Variants in GNL3L observed in about 807,000 individuals in gnomAD.
The protein encoded by GNL3L is guanine nucleotide-binding protein-like 3-like protein.
In GNL3L, 4 loss-of-function variants were observed where a neutral mutation model predicts 42.9. That is an observed-to-expected ratio of 0.09 (90% confidence interval 0.05 to 0.21). The LOEUF (loss-of-function observed/expected upper bound fraction) is 0.21. GNL3L is among the 10% of genes least tolerant of loss of function. GNL3L has a pLI of 1.00. For synonymous variants in GNL3L, 159 were observed against 176.3 expected, an observed-to-expected ratio of 0.90 and a Z score of 0.78; for missense variants, 412 against 481.7, an observed-to-expected ratio of 0.86 and a Z score of 1.36.
At chrX:54,640,331 A>G in the GNL3L span, among the ~76,000 whole-genome samples, 1 of 111,975 alleles carries the variant, frequency 8.9e-6, no homozygotes, top group Non-Finnish European at 1.9e-5. Flanking sequence ...GGCCTTTTTA[A>G]AAAGTAATAA....
In GNL3L at chrX:54,566,084, G is replaced by A. The variant is rs1303754082; in HGVS notation, c.*5482G>A. On this transcript the variant is annotated 3_prime_UTR_variant, in exon 16 of 16. Transcript: ENST00000360845. ...GATACACCCGTCTTAGCCTCCCAAA[G>A]TTCTGGGATTACAGGCATGAGCCAT... 9.0e-6 allele frequency among the ~76,000 whole-genome samples: 1 copy of A among 111,490 alleles called. No homozygotes were observed. Among genetic ancestry groups the A allele is most frequent in the African/African-American group, 3.3e-5 (1 of 30,625 alleles).
At chrX:54,554,520 C>A in intron 13 of GNL3L, 45 bp from the exon 14 acceptor site, 1 of 1,190,190 alleles carries the variant, frequency 8.4e-7, no homozygotes, top group Non-Finnish European at 1.1e-6. Flanking sequence ...GGGCTGGCAA[C>A]AGAGGGGAGC....
At chrX:54,558,692 G>GC (rs1569542183) in intron 15 of GNL3L, 37 bp downstream of exon 15, 1 of 995,448 alleles carries the variant, frequency 1.0e-6, no homozygotes. Flanking sequence ...TCTGAAAGGG[G>GC]CCCACATGGG....
chrX:54,569,102 C>T (rs1601997436), downstream of GNL3L, among the ~76,000 whole-genome samples: 1 of 112,146 alleles, frequency 8.9e-6, no homozygotes, highest in African/African-American at 3.2e-5. Flanking sequence ...GGATGGGAGG[C>T]ATTATTCAGC....
intron 5 of GNL3L, among the ~76,000 whole-genome samples, 198 bp downstream of exon 5, chrX:54,541,587 G>C (rs1343529828): frequency 9.1e-6 from 1 of 110,006 alleles, no homozygotes; most frequent in Non-Finnish European, 1.9e-5. Context: ...CCTTACCCGT[G>C]ACTGGACACC....
chrX:54,639,794 C>T, the GNL3L span, among the ~76,000 whole-genome samples: 1 of 111,884 alleles, frequency 8.9e-6, no homozygotes, highest in Non-Finnish European at 1.9e-5. Context: ...ATGACGTAAT[C>T]TTGCAGCTCA....
intron 2 of GNL3L, among the ~76,000 whole-genome samples, chrX:54,537,289 G>A (rs182235547): frequency 9.1e-6 from 1 of 110,457 alleles, no homozygotes; most frequent in Non-Finnish European, 1.9e-5. Context: ...CTCCCAAAAT[G>A]CTGGGATGAC....
At chrX:54,640,060 G>A in the GNL3L span, among the ~76,000 whole-genome samples, 1 of 110,437 alleles carries the variant, frequency 9.1e-6, no homozygotes, top group African/African-American at 3.3e-5. Flanking sequence ...GCCTGCGTAC[G>A]TCCACAAGTG....
At position 54,550,943 on chromosome X, in the gene GNL3L, C is replaced by T; in HGVS notation, c.776-20C>T. On this transcript the variant is annotated intron_variant, in intron 9 of 15. Transcript: ENST00000360845. ...CCTGAGGGCCTCTTCTGCCCTGAGCCATCTGCTGCTATTTTGTAGGTCTTC... is the reference window on the plus strand; with the variant it reads ...CCTGAGGGCCTCTTCTGCCCTGAGCTATCTGCTGCTATTTTGTAGGTCTTC... 1 of 883,807 alleles carries T rather than the reference C, an allele frequency of 1.1e-6. No homozygotes were observed. The highest frequency in any genetic ancestry group is 3.1e-5 in the East Asian group (1 of 32,340). The allele number at this position is 883,807 out of a possible 1,213,427, so 72.8% of individuals were successfully genotyped here. A position where few individuals can be genotyped will look rare whatever the true frequency, so the allele number is the denominator to read the frequency against.
At chrX:54,538,009 G>A (rs1288792252) in intron 2 of GNL3L, among the ~76,000 whole-genome samples, 2 of 110,667 alleles carry the variant, frequency 1.8e-5, no homozygotes, top group Admixed American at 9.8e-5. Flanking sequence ...GCAGTAGCTC[G>A]AGACTAGCCT....
rs1925163508 is a variant in GNL3L, at chrX:54,558,484, G to T, written c.1495G>T (p.Gly499Trp). The stretch of plus-strand genomic sequence containing the variant: ...CACCAATCCGAACCGTCATCAGATG[G>T]GGTGGGCTAAACGCAATGTGGACCA... ...YCTNPNRHQMGWAKRNVDHRP... is the reference protein window; with the variant it reads ...YCTNPNRHQMWWAKRNVDHRP... The change falls in exon 15 of 16, where the codon GGG (glycine) becomes TGG (tryptophan). Residue 499 changes from glycine to tryptophan, a missense_variant. Transcript: ENST00000360845. 2 of 1,206,556 alleles carry T rather than the reference G, an allele frequency of 1.7e-6. No individual in the cohort carries two copies. Among genetic ancestry groups the T allele is most frequent in the South Asian group, 3.5e-5 (2 of 56,726 alleles).
the GNL3L span, among the ~76,000 whole-genome samples, chrX:54,645,666 A>C: frequency 8.9e-6 from 1 of 112,023 alleles, no homozygotes; most frequent in Non-Finnish European, 1.9e-5. Flanking sequence ...TTCGGAGTCC[A>C]TGCATTTCCC....
chrX:54,603,359 T>C (rs1170752335), intron 16 of GNL3L, among the ~76,000 whole-genome samples: 1 of 111,867 alleles, frequency 8.9e-6, no homozygotes, highest in African/African-American at 3.2e-5. Context: ...TTAGAAAATA[T>C]TTATTTTGCA....
the GNL3L span, among the ~76,000 whole-genome samples, chrX:54,631,788 G>T: frequency 9.0e-6 from 1 of 111,512 alleles, no homozygotes; most frequent in Admixed American, 9.6e-5. Flanking sequence ...GAGATGTGAG[G>T]TACTATTCTA....
rs766645013 is a variant in GNL3L, at chrX:54,565,824, GTTTTTTTTTTTT to G, written c.*5232_*5243del. ...AGGATTATATGCTGGATACAGGGGTGTTTTTTTTTTTTTTTTTTTTTGAAACAGAGTCCTCAC... is the reference window on the plus strand; with the variant it reads ...AGGATTATATGCTGGATACAGGGGTGTTTTTTTTTGAAACAGAGTCCTCAC... On this transcript the variant is annotated 3_prime_UTR_variant, in exon 16 of 16. Coordinates refer to ENST00000360845, the MANE Select transcript of GNL3L (RefSeq NM_001184819.2). Among the ~76,000 whole-genome samples, 212 of 67,856 alleles carry G rather than the reference GTTTTTTTTTTTT, an allele frequency of 3.1e-3. 1 individual carries two copies. The highest frequency in any genetic ancestry group is 0.015 in the African/African-American group (207 of 13,454). 58.9% of individuals were successfully genotyped at this position (67,856 alleles called of 115,157 possible). A position where few individuals can be genotyped will look rare whatever the true frequency, so the allele number is the denominator to read the frequency against.
At chrX:54,550,162 T>G (rs1260257778) in intron 9 of GNL3L, among the ~76,000 whole-genome samples, 1 of 102,697 alleles carries the variant, frequency 9.7e-6, no homozygotes, top group Non-Finnish European at 2.0e-5. Context: ...GTGGGAGAGA[T>G]ACAAGAAAAG....
intron 8 of GNL3L, 135 bp from the exon 9 acceptor site, chrX:54,548,094 G>T: frequency 2.1e-6 from 1 of 484,892 alleles, no homozygotes; most frequent in Non-Finnish European, 3.6e-6. Context: ...ACGTGTTCAA[G>T]ATCTGTGTGA....
In GNL3L at chrX:54,530,771, A is replaced by G. The variant is rs893056141; in HGVS notation, c.-48+352A>G. Among the ~76,000 whole-genome samples, 3 of 112,070 alleles carry G rather than the reference A, an allele frequency of 2.7e-5. 1 individual carries two copies. The highest frequency in any genetic ancestry group is 5.6e-5 in the Non-Finnish European group (3 of 53,164). On this transcript the variant is annotated intron_variant, in intron 1 of 15. Coordinates refer to ENST00000360845, the MANE Select transcript of GNL3L (RefSeq NM_001184819.2). ...GCGCAGACTTCTCCCGACTTAAGGC[A>G]CTTCCTTGGCTTGGCTCTAGACAGC...
intron 5 of GNL3L, 103 bp downstream of exon 5, chrX:54,541,492 G>C: frequency 2.7e-6 from 1 of 371,299 alleles, no homozygotes; most frequent in Admixed American, 3.0e-5. Context: ...GGGAACAAGG[G>C]AATCAGTGTA....
Sources: allele counts gnomAD v4.1 joint callset (sites outside exome capture counted in the v4.1 genomes callset), GRCh38; gene constraint gnomAD v4.1.1; transcripts MANE v1.5; gene names NCBI Gene and HGNC (gene_info 2026-07-23, HGNC 2026-07-21).